The following LRIF1 variants were observed in gnomAD, a reference collection of about 807,000 sequenced individuals.
LRIF1 encodes the protein ligand dependent nuclear receptor interacting factor 1, also known as ligand-dependent nuclear receptor-interacting factor 1.
A neutral mutation model predicts 52.7 loss-of-function variants in LRIF1; 32 were observed. The ratio of observed to expected loss-of-function variants is 0.61; its 90% CI spans 0.46 to 0.82. LRIF1 has a LOEUF of 0.82. LRIF1 is among the 40% of genes least tolerant of loss of function. The probability of loss-of-function intolerance (pLI) is 0.00; values close to 1 mark genes in which losing one functional copy is unlikely to be tolerated. For missense variants in LRIF1, 887 were observed against 892.0 expected (o/e 0.99, Z 0.07); for synonymous variants, 323 against 317.4 (o/e 1.02, Z -0.19).
At chr1:110,885,398 C>T in the LRIF1 span, among the ~76,000 whole-genome samples, 4 of 152,044 alleles carry the variant, frequency 2.6e-5, no homozygotes, top group Admixed American at 1.3e-4. Flanking sequence ...ATTAGCTGGA[C>T]GTGGTGGCAG....
the LRIF1 span, among the ~76,000 whole-genome samples, chr1:110,932,882 G>C: frequency 1.3e-5 from 2 of 152,106 alleles, no homozygotes; most frequent in African/African-American, 4.8e-5. Flanking sequence ...GAATTCAACT[G>C]TAATGAAGAA....
the LRIF1 span, among the ~76,000 whole-genome samples, chr1:110,918,968 G>A: frequency 6.6e-6 from 1 of 152,198 alleles, no homozygotes; most frequent in Non-Finnish European, 1.5e-5. Context: ...TGGGGGCCAC[G>A]GCCTGGCCCT....
chr1:110,888,423 A>G, the LRIF1 span, among the ~76,000 whole-genome samples: 1 of 152,174 alleles, frequency 6.6e-6, no homozygotes, highest in East Asian at 1.9e-4. Context: ...CTGTCTGTGA[A>G]TATAAGCTGA....
chr1:110,896,849 T>C, the LRIF1 span: 1 of 856,182 alleles, frequency 1.2e-6, no homozygotes, highest in East Asian at 2.5e-5. Flanking sequence ...GGACCTTGAA[T>C]AAAAGAGAGG....
At chr1:110,920,729 T>C in the LRIF1 span, among the ~76,000 whole-genome samples, 1 of 152,162 alleles carries the variant, frequency 6.6e-6, no homozygotes, top group Non-Finnish European at 1.5e-5. Context: ...TTGTAACAAA[T>C]ACACCACTAT....
intron 2 of LRIF1, among the ~76,000 whole-genome samples, 180 bp from the exon 3 acceptor site, chr1:110,950,303 A>T (rs1206181613): frequency 6.6e-6 from 1 of 152,242 alleles, no homozygotes; most frequent in Non-Finnish European, 1.5e-5. Flanking sequence ...GTACAAACTT[A>T]AAATATTCCC....
At chr1:110,895,588 A>G in the LRIF1 span, among the ~76,000 whole-genome samples, 12 of 152,204 alleles carry the variant, frequency 7.9e-5, no homozygotes, top group Non-Finnish European at 1.6e-4. Flanking sequence ...CAGTACCACT[A>G]TGAAAGCACG....
the LRIF1 span, chr1:110,892,392 C>T: frequency 6.2e-7 from 1 of 1,613,996 alleles, no homozygotes; most frequent in East Asian, 2.2e-5. Context: ...TGCTGATCCA[C>T]AACAACTTCG....
At chr1:110,920,953 G>C in the LRIF1 span, among the ~76,000 whole-genome samples, 1 of 152,098 alleles carries the variant, frequency 6.6e-6, no homozygotes, top group Non-Finnish European at 1.5e-5. Flanking sequence ...AATTCTAAAA[G>C]ATATACTTCA....
At chr1:110,876,298 A>G in the LRIF1 span, among the ~76,000 whole-genome samples, 1 of 152,288 alleles carries the variant, frequency 6.6e-6, no homozygotes, top group East Asian at 1.9e-4. Context: ...ACATTATACT[A>G]TAGTCCCTTT....
At chr1:110,927,069 G>T in the LRIF1 span, among the ~76,000 whole-genome samples, 1 of 152,090 alleles carries the variant, frequency 6.6e-6, no homozygotes, top group Non-Finnish European at 1.5e-5. Context: ...AATGAAACTG[G>T]ACTCTTCATT....
the LRIF1 span, among the ~76,000 whole-genome samples, chr1:110,923,146 A>G: frequency 6.6e-6 from 1 of 152,054 alleles, no homozygotes; most frequent in Non-Finnish European, 1.5e-5. Flanking sequence ...CTAAAAATAT[A>G]AAAATTAGCC....
chr1:110,962,949 A>T (rs1357741498), intron 1 of LRIF1, among the ~76,000 whole-genome samples: 1 of 152,080 alleles, frequency 6.6e-6, no homozygotes, highest in Non-Finnish European at 1.5e-5. Context: ...GTTACTGATC[A>T]TCTATTTTCT....
chr1:110,879,299 C>G, the LRIF1 span, among the ~76,000 whole-genome samples: 1 of 152,108 alleles, frequency 6.6e-6, no homozygotes, highest in African/African-American at 2.4e-5. Flanking sequence ...TATTAATAAC[C>G]CTATTTCAAA....
At chr1:110,887,046 G>A in the LRIF1 span, among the ~76,000 whole-genome samples, 73 of 105,290 alleles carry the variant, frequency 6.9e-4, 1 homozygote, top group East Asian at 0.013. Context: ...TACTTTCCAT[G>A]TCTCTATTTA....
intron 1 of LRIF1, among the ~76,000 whole-genome samples, chr1:110,961,056 A>C (rs1360372908): frequency 6.6e-6 from 1 of 152,174 alleles, no homozygotes; most frequent in Non-Finnish European, 1.5e-5. Context: ...CATAAACCAT[A>C]CACGTCCTTT....
At chr1:110,945,878 A>T (rs1314796832), downstream of LRIF1, among the ~76,000 whole-genome samples, 1 of 152,226 alleles carries the variant, frequency 6.6e-6, no homozygotes, top group East Asian at 1.9e-4. Flanking sequence ...GTCACTGGTG[A>T]CCTTGACAGT....
Position 110,963,044 on chromosome 1 carries a change from C to T in LRIF1, c.68+577G>A, listed in dbSNP as rs190273231. On this transcript the variant is annotated intron_variant, in intron 1 of 3. Transcript: ENST00000369763. ...GCCAATGAAATGGCACTTCATTACA[C>T]CCTACTTCAAAAAGGCTGTTCAAAA... 4.9e-4 allele frequency among the ~76,000 whole-genome samples: 74 copies of T among 152,290 alleles called. 3 individuals are homozygous for T. The highest frequency in any genetic ancestry group is 4.2e-3 in the Admixed American group (65 of 15,306).
intron 1 of LRIF1, among the ~76,000 whole-genome samples, chr1:110,955,497 A>G (rs1379939790): frequency 2.0e-5 from 3 of 152,232 alleles, no homozygotes; most frequent in African/African-American, 7.2e-5. Flanking sequence ...CGTAGGAAGA[A>G]AACCATTGCT....
Sources: allele counts gnomAD v4.1 joint callset (sites outside exome capture counted in the v4.1 genomes callset), GRCh38; gene constraint gnomAD v4.1.1; transcripts MANE v1.5; gene names NCBI Gene and HGNC (gene_info 2026-07-23, HGNC 2026-07-21).